TNS3: variants seen among roughly 807,000 people sequenced by gnomAD.
TNS3 encodes tensin 3, also known as tensin-3.
In TNS3, 45 loss-of-function variants were observed where a neutral mutation model predicts 140.9. The ratio of observed to expected loss-of-function variants is 0.32; its 90% CI spans 0.25 to 0.41. TNS3 has a LOEUF of 0.41. TNS3 is among the 10% of genes least tolerant of loss of function. The pLI, the probability that TNS3 is intolerant of heterozygous loss-of-function variation, is 1.00. For missense variants in TNS3, 1,716 were observed against 1,906.7 expected (o/e 0.90, Z 1.86); for synonymous variants, 815 against 788.4 (o/e 1.03, Z -0.56).
At chr7:47,369,749 G>A in intron 16 of TNS3, 128 bp from the exon 17 acceptor site, 2 of 1,116,452 alleles carry the variant, frequency 1.8e-6, no homozygotes, top group Non-Finnish European at 2.5e-6. Context: ...AATAAACAAG[G>A]ACAAAGATTC....
At chr7:47,279,895 G>T in intron 30 of TNS3, 1 of 519,972 alleles carries the variant, frequency 1.9e-6, no homozygotes, top group East Asian at 3.5e-5. Flanking sequence ...GGCCAAAAAG[G>T]CTGTGCCATC....
intron 22 of TNS3, 113 bp from the exon 23 acceptor site, chr7:47,302,385 C>T (rs1220635355): frequency 1.9e-5 from 16 of 837,592 alleles, no homozygotes; most frequent in South Asian, 7.7e-5. Context: ...AGCAAGCGAG[C>T]GATGTTCTAA....
At chr7:47,303,698 C>T in intron 21 of TNS3, 114 bp from the exon 22 acceptor site, 2 of 1,271,976 alleles carry the variant, frequency 1.6e-6, no homozygotes, top group Non-Finnish European at 2.1e-6. Context: ...TGCTGAGGCC[C>T]TCCAGGCAGC....
chr7:47,581,040 C>T (rs569876838), intron 1 of TNS3, among the ~76,000 whole-genome samples: 7 of 152,272 alleles, frequency 4.6e-5, no homozygotes, highest in African/African-American at 9.6e-5. Context: ...GCTGGCCCCA[C>T]ACCCTGATGG....
In TNS3 at chr7:47,407,927, G is replaced by A. The variant is rs773844667; in HGVS notation, c.723+3800C>T. Among the ~76,000 whole-genome samples, 19 of 152,160 alleles carry A rather than the reference G, an allele frequency of 1.2e-4. No homozygotes were observed. Among genetic ancestry groups the A allele is most frequent in the Admixed American group, 3.3e-4 (5 of 15,282 alleles). ...GTTGTTTAAGCTGAGACCAAAGGGTGAAGCCTGAGTTGAGAGGTCAGGGCC... is the reference window on the plus strand; with the variant it reads ...GTTGTTTAAGCTGAGACCAAAGGGTAAAGCCTGAGTTGAGAGGTCAGGGCC... On this transcript the variant is annotated intron_variant, in intron 13 of 30. Coordinates refer to ENST00000311160, the MANE Select transcript of TNS3 (RefSeq NM_022748.12). This position sits in a 1 kb window ranked among gnomAD's most constrained non-coding sequence, Gnocchi z 4.1.
chr7:47,382,147 T>C (rs1791803938), intron 16 of TNS3, among the ~76,000 whole-genome samples: 1 of 152,218 alleles, frequency 6.6e-6, no homozygotes, highest in Admixed American at 6.5e-5. Flanking sequence ...TTTATCCATT[T>C]CTAATGGAAA....
At chr7:47,332,454 A>G (rs923217166) in intron 20 of TNS3, among the ~76,000 whole-genome samples, 2 of 152,190 alleles carry the variant, frequency 1.3e-5, no homozygotes, top group Non-Finnish European at 2.9e-5. Flanking sequence ...AGGAGGAGAC[A>G]AGCCCAGGCT....
intron 10 of TNS3, among the ~76,000 whole-genome samples, chr7:47,423,158 T>C (rs962339663): frequency 1.3e-4 from 20 of 152,338 alleles, no homozygotes; most frequent in African/African-American, 3.1e-4. Flanking sequence ...AGAAAATAGA[T>C]ACAAGGCATC....
At position 47,424,127 on chromosome 7, in the gene TNS3, T is replaced by G; in HGVS notation, c.447A>C (p.Ser149=). ...GTTTTTGGGAAGGCTGCATTAAAGC[T>G]GAAACTTTGTCATCATAAAACTTCT... ...AMKKFYDDKV[S]ALMQPSQKRY... Residue 149 remains serine (S), a synonymous_variant, in exon 10 of 31, where the codon TCA becomes TCC. Transcript: ENST00000311160. 6.2e-7 allele frequency: 1 copy of G among 1,614,232 alleles called. No homozygotes were observed. The highest frequency in any genetic ancestry group is 8.5e-7 in the Non-Finnish European group (1 of 1,180,034).
chr7:47,460,191 C>T (rs1457828110), intron 4 of TNS3, among the ~76,000 whole-genome samples: 22 of 136,356 alleles, frequency 1.6e-4, no homozygotes, highest in East Asian at 1.3e-3. Context: ...CCAGCCCGGG[C>T]GACAGAGCAA....
intron 25 of TNS3, among the ~76,000 whole-genome samples, chr7:47,293,511 T>A (rs1009374599): frequency 6.6e-6 from 1 of 152,240 alleles, no homozygotes; most frequent in African/African-American, 2.4e-5. Context: ...ACGTCTGATA[T>A]GGTGCTTTTC....
At chr7:47,524,563 G>A (rs1427129565) in intron 2 of TNS3, among the ~76,000 whole-genome samples, 1 of 151,858 alleles carries the variant, frequency 6.6e-6, no homozygotes, top group Non-Finnish European at 1.5e-5. Flanking sequence ...AGCACTTTGG[G>A]AGGCCGAGGC....
intron 1 of TNS3, among the ~76,000 whole-genome samples, chr7:47,541,959 A>AG (rs2151966537): frequency 6.6e-6 from 1 of 151,750 alleles, no homozygotes; most frequent in East Asian, 1.9e-4. Context: ...AAAAAAAAAA[A>AG]AGCAAATGAC....
intron 3 of TNS3, among the ~76,000 whole-genome samples, chr7:47,495,643 C>CA (rs1356903041): frequency 1.3e-5 from 2 of 152,214 alleles, no homozygotes; most frequent in Non-Finnish European, 2.9e-5. Flanking sequence ...AACCTACACT[C>CA]AGAGCCAGAA....
At chr7:47,506,874 A>C in intron 3 of TNS3, 33 bp downstream of exon 3, 2 of 1,286,704 alleles carry the variant, frequency 1.6e-6, no homozygotes, top group Non-Finnish European at 2.0e-6. Flanking sequence ...GTCAGCTATA[A>C]AAAGTCCCAT....
intron 17 of TNS3, among the ~76,000 whole-genome samples, chr7:47,359,670 T>C (rs1423379970): frequency 6.6e-6 from 1 of 152,252 alleles, no homozygotes; most frequent in Non-Finnish European, 1.5e-5. Context: ...ATGACTTTAT[T>C]GTGAATTACT....
At chr7:47,480,774 A>G (rs942248695) in intron 4 of TNS3, among the ~76,000 whole-genome samples, 1 of 152,194 alleles carries the variant, frequency 6.6e-6, no homozygotes, top group Admixed American at 6.5e-5. Context: ...CCAGGTTTTT[A>G]TCACTAAGAC....
intron 20 of TNS3, among the ~76,000 whole-genome samples, chr7:47,324,282 A>G (rs1787908731): frequency 6.6e-6 from 1 of 152,186 alleles, no homozygotes; most frequent in Non-Finnish European, 1.5e-5. Context: ...GAGAATTTTT[A>G]CTTTATTATA....
At chr7:47,458,226 G>A (rs1309741364) in intron 4 of TNS3, among the ~76,000 whole-genome samples, 1 of 152,228 alleles carries the variant, frequency 6.6e-6, no homozygotes, top group Non-Finnish European at 1.5e-5. Flanking sequence ...CCCAGGATGA[G>A]TGCTCTAGGC....
Sources: allele counts gnomAD v4.1 joint callset (sites outside exome capture counted in the v4.1 genomes callset), GRCh38; gene constraint gnomAD v4.1.1; non-coding constraint Gnocchi (gnomAD v3.1); transcripts MANE v1.5; gene names NCBI Gene and HGNC (gene_info 2026-07-23, HGNC 2026-07-21).